TNFRSF18: variants seen among roughly 807,000 people sequenced by gnomAD.
TNFRSF18 encodes the protein tumor necrosis factor receptor superfamily member 18.
Under a neutral mutation model 30.2 loss-of-function variants are expected in TNFRSF18, and 36 were observed. The observed-to-expected ratio is 1.19, with a 90% CI of 0.91 to 1.58. TNFRSF18 has a LOEUF of 1.58. Ranked by LOEUF, TNFRSF18 falls within the 40% of genes most tolerant of loss-of-function variation. The pLI is 0.00. For missense variants in TNFRSF18, 369 were observed against 345.4 expected, an observed-to-expected ratio of 1.07 and a Z score of -0.54; for synonymous variants, 173 against 158.3, an observed-to-expected ratio of 1.09 and a Z score of -0.70.
In TNFRSF18 at chr1:1,205,343, A is replaced by G. The variant is rs766047077; in HGVS notation, c.310+27T>C. 3.1e-6 allele frequency: 5 copies of G among 1,603,710 alleles called. No individual in the cohort carries two copies. The Admixed American group carries it at 6.8e-5, about 22-fold the overall frequency. On this transcript the variant is annotated intron_variant, in intron 2 of 4. Transcript: ENST00000379268. ...CTAGTGGAACCCCTGGCCTGTGTGGACTCCCAGAGGCACCTCCAGGACTTA... is the reference window on the plus strand; with the variant it reads ...CTAGTGGAACCCCTGGCCTGTGTGGGCTCCCAGAGGCACCTCCAGGACTTA...
intron 2 of TNFRSF18, among the ~76,000 whole-genome samples, chr1:1,204,919 T>G (rs1570455102): frequency 6.6e-6 from 1 of 152,084 alleles, no homozygotes; most frequent in East Asian, 1.9e-4. Context: ...TTCTCCCAGC[T>G]CTCATGTGCC....
Position 1,206,541 on chromosome 1 carries a change from G to T in TNFRSF18, c.31C>A (p.Arg11=). 2 of 1,523,226 alleles carry T rather than the reference G, an allele frequency of 1.3e-6. No homozygotes were observed. Among genetic ancestry groups the T allele is most frequent in the East Asian group, 2.5e-5 (1 of 40,046 alleles). 94.4% of individuals were successfully genotyped at this position (1,523,226 alleles called of 1,614,324 possible). MAQHGAMGAF[R]ALCGLALLCA... is the part of the protein sequence containing the mutation. ...AGCAGCGCCAGGCCGCACAGGGCCC[G>T]AAACGCGCCCATCGCCCCGTGCTGT... Residue 11 remains arginine, a synonymous_variant, in exon 1 of 5, where the codon CGG becomes AGG. Transcript: ENST00000379268.
Position 1,203,940 on chromosome 1 carries a change from C to A in TNFRSF18, c.630G>T (p.Pro210=). The change falls in exon 5 of 5, where the codon CCG becomes CCT. Residue 210 remains proline, a synonymous_variant. Coordinates refer to ENST00000379268, the MANE Select transcript of TNFRSF18 (RefSeq NM_004195.3). ...GGCAGCTTCTGGCGTCTTCGGTCGACGGCGGCACCTCCAGCAGCAGCTGGG... is the reference window on the plus strand; with the variant it reads ...GGCAGCTTCTGGCGTCTTCGGTCGAAGGCGGCACCTCCAGCAGCAGCTGGG... The part of the protein sequence containing the change: ...RETQLLLEVP[P]STEDARSCQF... 1.2e-6 allele frequency: 2 copies of A among 1,607,268 alleles called. No homozygotes were observed. The highest frequency in any genetic ancestry group is 8.5e-7 in the Non-Finnish European group (1 of 1,179,002).
rs1353633868 is a variant in TNFRSF18 at position 1,203,887 on chromosome 1, C to T, written c.683G>A (p.Arg228Gln). 8.1e-6 allele frequency: 13 copies of T among 1,604,716 alleles called. No individual in the cohort carries two copies. The highest frequency in any genetic ancestry group is 5.3e-5 in the African/African-American group (4 of 74,894). The change falls in exon 5 of 5, where the codon CGA (arginine) becomes CAA (glutamine). Residue 228 changes from arginine (R) to glutamine (Q), a missense_variant. Physicochemically the swap from Arg to Gln is conservative, Grantham distance 43. Transcript: ENST00000379268. ...CQFPEEERGE[R>Q]SAEEKGRLGD... is the part of the protein sequence containing the mutation. Reference sequence around the variant, plus strand: ...CAGCCGCCCCTTCTCCTCTGCCGATCGCTCGCCCCGCTCTTCCTCGGGGAA... The same window carrying T: ...CAGCCGCCCCTTCTCCTCTGCCGATTGCTCGCCCCGCTCTTCCTCGGGGAA...
In TNFRSF18 at chr1:1,204,175, C is replaced by T. The variant is rs534020550; in HGVS notation, c.460G>A (p.Val154Ile). 210 of 1,611,972 alleles carry T rather than the reference C, an allele frequency of 1.3e-4. 4 individuals carry two copies. The South Asian group carries it at 2.0e-3, about 16-fold the overall frequency. ...PGNKTHNAVCVPGSPPAEPLG... is the reference protein window; with the variant it reads ...PGNKTHNAVCIPGSPPAEPLG... ...GGCTCTGCCGGCGGGGACCCTGGGACGCACACAGCGTTGTGGGTCTTGTTC... is the reference window on the plus strand; with the variant it reads ...GGCTCTGCCGGCGGGGACCCTGGGATGCACACAGCGTTGTGGGTCTTGTTC... The change falls in exon 4 of 5, where the codon GTC (valine) becomes ATC (isoleucine). Residue 154 changes from valine to isoleucine, a missense_variant. Val to Ile is a conservative substitution (Grantham distance 29, BLOSUM62 3). Coordinates refer to ENST00000379268, the MANE Select transcript of TNFRSF18 (RefSeq NM_004195.3).
intron 1 of TNFRSF18, 79 bp downstream of exon 1, chr1:1,206,306 G>C (rs987238497): frequency 8.4e-5 from 125 of 1,485,462 alleles, no homozygotes; most frequent in Non-Finnish European, 1.1e-4. Context: ...GTCTGAGCAC[G>C]GGAAGGGGGG....
At position 1,206,528 on chromosome 1, in the gene TNFRSF18, C is replaced by T; in HGVS notation, c.44G>A (p.Gly15Asp). ...GAMGAFRALCGLALLCALSLG... is the reference protein window; with the variant it reads ...GAMGAFRALCDLALLCALSLG... ...GCTGAGCGCGCACAGCAGCGCCAGG[C>T]CGCACAGGGCCCGAAACGCGCCCAT... is the stretch of plus-strand genomic sequence containing the variant. The change falls in exon 1 of 5, where the codon GGC (glycine) becomes GAC (aspartate). Residue 15 changes from glycine to aspartate, a missense_variant. Physicochemically the swap from Gly to Asp is moderately conservative, Grantham distance 94. Coordinates refer to ENST00000379268, the MANE Select transcript of TNFRSF18 (RefSeq NM_004195.3). 5 of 1,531,670 alleles carry T rather than the reference C, an allele frequency of 3.3e-6. No individual in the cohort carries two copies. Among genetic ancestry groups the T allele is most frequent in the Non-Finnish European group, 4.4e-6 (5 of 1,141,166 alleles). 94.9% of individuals were successfully genotyped at this position (1,531,670 alleles called of 1,614,324 possible).
In TNFRSF18 at chr1:1,204,473, A is replaced by G; in HGVS notation, c.324T>C (p.Phe108=). The G allele has an allele frequency of 6.2e-7, 1 of 1,612,434 alleles. No individual in the cohort carries two copies. The highest frequency in any genetic ancestry group is 8.5e-7 in the Non-Finnish European group (1 of 1,179,712). The part of the protein sequence containing the change: ...QGVQSQGKFS[F]GFQCIDCASG... ...AGGCACAGTCGATACACTGGAAGCC[A>G]AAACTGAATTTCCCTGGTGTGGGGT... The change falls in exon 3 of 5, where the codon TTT becomes TTC. Residue 108 remains phenylalanine, a synonymous_variant. Transcript: ENST00000379268.
rs570711280 is a variant in TNFRSF18 at position 1,204,212 on chromosome 1, A to C, written c.423T>G (p.Thr141=). Residue 141 remains threonine, a synonymous_variant, in exon 4 of 5, where the codon ACT becomes ACG. Transcript: ENST00000379268. ...WTDCTQFGFL[T]VFPGNKTHNA... is the part of the protein sequence containing the mutation. The stretch of plus-strand genomic sequence containing the variant: ...TGTGGGTCTTGTTCCCAGGGAACAC[A>C]GTGAGAAACCCGAACTGGGTGCAGC... 2 of 1,611,672 alleles carry C rather than the reference A, an allele frequency of 1.2e-6. No individual in the cohort carries two copies. The highest frequency in any genetic ancestry group is 2.7e-5 in the African/African-American group (2 of 74,928).
intron 2 of TNFRSF18, among the ~76,000 whole-genome samples, chr1:1,205,128 C>T (rs1003588441): frequency 1.3e-5 from 2 of 152,192 alleles, no homozygotes; most frequent in East Asian, 3.9e-4. Flanking sequence ...CCCACCTCCC[C>T]GCAGGGTTCT....
chr1:1,204,113 G>A lies in TNFRSF18; in HGVS notation c.522C>T (p.Ala174=), dbSNP rs1219170794. ...CCGAGGTCAGGAGGAGGACGCAGGCGGCCACGGCCAGGAGGACGACGGTCA... is the reference window on the plus strand; with the variant it reads ...CCGAGGTCAGGAGGAGGACGCAGGCAGCCACGGCCAGGAGGACGACGGTCA... ...GWLTVVLLAV[A]ACVLLLTSAQ... The change falls in exon 4 of 5, where the codon GCC becomes GCT. Residue 174 remains alanine (A), a synonymous_variant. Coordinates refer to ENST00000379268, the MANE Select transcript of TNFRSF18 (RefSeq NM_004195.3). 1.1e-5 allele frequency: 17 copies of A among 1,610,798 alleles called. No homozygotes were observed. Among genetic ancestry groups the A allele is most frequent in the East Asian group, 6.7e-5 (3 of 44,838 alleles).
At chr1:1,204,752 G>A (rs546048485) in intron 2 of TNFRSF18, among the ~76,000 whole-genome samples, 2 of 152,332 alleles carry the variant, frequency 1.3e-5, no homozygotes, top group South Asian at 4.1e-4. Flanking sequence ...GGAGGGGAAA[G>A]GCCTGCCCAT....
rs1648717167 is a variant in TNFRSF18, at chr1:1,204,506, G to T, written c.311-20C>A. The T allele has an allele frequency of 5.5e-6, 6 of 1,087,700 alleles. No homozygotes were observed. Among genetic ancestry groups the T allele is most frequent in the East Asian group, 2.6e-5 (1 of 38,730 alleles). The allele number at this position is 1,087,700 out of a possible 1,614,324, so 67.4% of individuals were successfully genotyped here. The stretch of plus-strand genomic sequence containing the variant: ...ATTTCCCTGGTGTGGGGTGTGGGGG[G>T]AGGGAGGGAGGGAGGCTGGTGGAGT... On this transcript the variant is annotated intron_variant, in intron 2 of 4. Transcript: ENST00000379268.
At chr1:1,206,113 T>C (rs921296694) in intron 1 of TNFRSF18, among the ~76,000 whole-genome samples, 1 of 151,970 alleles carries the variant, frequency 6.6e-6, no homozygotes, top group Non-Finnish European at 1.5e-5. Flanking sequence ...GGAACAGCCG[T>C]CCTCCACCTC....
rs35586212 is a variant in TNFRSF18 at position 1,205,488 on chromosome 1, C to G, written c.192G>C (p.Glu64Asp). Residue 64 changes from glutamate (E) to aspartate (D), a missense_variant, in exon 2 of 5, where the codon GAG becomes GAC. By Grantham distance (45) the Glu-to-Asp change is conservative. Coordinates refer to ENST00000379268, the MANE Select transcript of TNFRSF18 (RefSeq NM_004195.3). ...TGCAGTCCCACTCGGAACAGCACTCCTCGCCTGGGCAGGAGACAGGCCAGC... is the reference window on the plus strand; with the variant it reads ...TGCAGTCCCACTCGGAACAGCACTCGTCGCCTGGGCAGGAGACAGGCCAGC... Reference protein sequence around the residue: ...TTRCCRDYPGEECCSEWDCMC... With the variant: ...TTRCCRDYPGDECCSEWDCMC... 6.8e-6 allele frequency: 11 copies of G among 1,611,528 alleles called. 1 individual carries two copies. In the South Asian group the frequency reaches 1.1e-4, roughly 16 times the overall value.
Position 1,206,433 on chromosome 1 carries a change from CGT to C in TNFRSF18, c.137_138del (p.Asp46GlyfsTer32). The stretch of plus-strand genomic sequence containing the variant: ...GTCGTGTGAACCCGGCAGCAGCGCG[CGT>C]CCGTTCCCGTCCCAAGCAGGAGGCG... The part of the protein sequence containing the change: ...PGRLLLGTGT[D>X]ARCCRVHTTR... On this transcript the variant is annotated frameshift_variant, in exon 1 of 5. Coordinates refer to ENST00000379268, the MANE Select transcript of TNFRSF18 (RefSeq NM_004195.3). LOFTEE classifies it high-confidence loss of function. The C allele has an allele frequency of 6.5e-7, 1 of 1,547,356 alleles. No homozygotes were observed. The highest frequency in any genetic ancestry group is 8.7e-7 in the Non-Finnish European group (1 of 1,146,200).
chr1:1,205,373 G>C lies in TNFRSF18; in HGVS notation c.307C>G (p.Gln103Glu). ...CAGAGGCACCTCCAGGACTTACCCT[G>C]GGACTGTACCCCCTGGCCTGGGGGA... ...PCPPGQGVQSQGKFSFGFQCI... is the reference protein window; with the variant it reads ...PCPPGQGVQSEGKFSFGFQCI... Residue 103 changes from glutamine to glutamate, a missense_variant, in exon 2 of 5, where the codon CAG (glutamine) becomes GAG (glutamate). Transcript: ENST00000379268. 2.5e-6 allele frequency: 4 copies of C among 1,611,744 alleles called. No homozygotes were observed. The African/African-American group carries it at 4.0e-5, about 16-fold the overall frequency.
At chr1:1,206,180 G>C (rs532807931) in intron 1 of TNFRSF18, among the ~76,000 whole-genome samples, 1 of 152,172 alleles carries the variant, frequency 6.6e-6, no homozygotes, top group South Asian at 2.1e-4. Context: ...GCTCCCGGCC[G>C]GGGCCACTGG....
At position 1,203,660 on chromosome 1, in the gene TNFRSF18, G is replaced by C; in HGVS notation, c.*184C>G. ...ATGACTGTGTCTCTCTCTCCCTCCTGCAGGGCCCAGCCGCGGCCGCCGAAC... is the reference window on the plus strand; with the variant it reads ...ATGACTGTGTCTCTCTCTCCCTCCTCCAGGGCCCAGCCGCGGCCGCCGAAC... On this transcript the variant is annotated 3_prime_UTR_variant, in exon 5 of 5. Coordinates refer to ENST00000379268, the MANE Select transcript of TNFRSF18 (RefSeq NM_004195.3). 6.5e-7 allele frequency: 1 copy of C among 1,548,732 alleles called. No individual in the cohort carries two copies. The highest frequency in any genetic ancestry group is 8.7e-7 in the Non-Finnish European group (1 of 1,155,224).
Sources: allele counts gnomAD v4.1 joint callset (sites outside exome capture counted in the v4.1 genomes callset), GRCh38; gene constraint gnomAD v4.1.1; transcripts MANE v1.5; gene names NCBI Gene and HGNC (gene_info 2026-07-23, HGNC 2026-07-21).